Variants in FRMD4B observed in about 807,000 individuals in gnomAD.
The protein encoded by FRMD4B is FERM domain-containing protein 4B.
Under a neutral mutation model 141.5 loss-of-function variants are expected in FRMD4B, and 74 were observed. That is an observed-to-expected ratio of 0.52 (90% confidence interval 0.43 to 0.63). The LOEUF is 0.63. Among genes scored for constraint, FRMD4B ranks in the 30% least tolerant of loss-of-function variants. FRMD4B has a pLI of 0.00. For missense variants in FRMD4B, 1,366 were observed against 1,253.4 expected (o/e 1.09, Z -1.36); for synonymous variants, 506 against 467.9 (o/e 1.08, Z -1.05).
intron 7 of FRMD4B, among the ~76,000 whole-genome samples, chr3:69,247,965 T>C (rs1385961268): frequency 6.7e-6 from 1 of 148,524 alleles, no homozygotes; most frequent in Non-Finnish European, 1.5e-5. Context: ...CTAATTTTTA[T>C]ATTTGTAGTA....
At chr3:69,344,088 A>G (rs1702846493) in intron 1 of FRMD4B, among the ~76,000 whole-genome samples, 1 of 152,224 alleles carries the variant, frequency 6.6e-6, no homozygotes, top group African/African-American at 2.4e-5. Flanking sequence ...TTTGGAATCC[A>G]AGGGCCAGTG....
Position 69,357,131 on chromosome 3 carries a change from A to C in FRMD4B, c.162+28697T>G, listed in dbSNP as rs563666031. Among the ~76,000 whole-genome samples the C allele has an allele frequency of 2.6e-5, 4 of 152,308 alleles. No individual in the cohort carries two copies. In the East Asian group the frequency reaches 7.7e-4, roughly 29 times the overall value. ...AGGTGCAAAGACGGGACAAGGGCAT[A>C]GGTGCCAGGGATTCAGTCGTGAGGA... On this transcript the variant is annotated intron_variant, in intron 1 of 22. Coordinates refer to ENST00000398540, the MANE Select transcript of FRMD4B (RefSeq NM_015123.3).
intron 3 of FRMD4B, among the ~76,000 whole-genome samples, chr3:69,310,907 C>A (rs532841414): frequency 1.9e-4 from 29 of 152,250 alleles, no homozygotes; most frequent in Non-Finnish European, 3.2e-4. Flanking sequence ...CCAACACATC[C>A]ACTCAGTTTC....
intron 1 of FRMD4B, among the ~76,000 whole-genome samples, chr3:69,521,292 T>C (rs1700850032): frequency 6.6e-6 from 1 of 152,184 alleles, no homozygotes. Context: ...CAAAATTAAC[T>C]TCTTGGCAGT....
intron 7 of FRMD4B, among the ~76,000 whole-genome samples, chr3:69,242,342 A>G (rs2093390432): frequency 6.6e-6 from 1 of 152,074 alleles, no homozygotes; most frequent in African/African-American, 2.4e-5. Context: ...TGGAAATGAA[A>G]TTAGATTTTA....
chr3:69,189,729 G>A (rs564709611), intron 18 of FRMD4B, among the ~76,000 whole-genome samples, 167 bp downstream of exon 18: 1 of 152,100 alleles, frequency 6.6e-6, no homozygotes, highest in South Asian at 2.1e-4. Context: ...AACCTGAGTA[G>A]GTGTTAATCA....
chr3:69,470,832 A>G (rs1452342807), intron 1 of FRMD4B, among the ~76,000 whole-genome samples: 1 of 152,206 alleles, frequency 6.6e-6, no homozygotes, highest in Non-Finnish European at 1.5e-5. Context: ...TCATATGATC[A>G]ATTTGCACAA....
intron 3 of FRMD4B, among the ~76,000 whole-genome samples, chr3:69,307,436 G>T (rs988782897): frequency 6.6e-6 from 1 of 152,044 alleles, no homozygotes; most frequent in African/African-American, 2.4e-5. Flanking sequence ...CACCTCCTGG[G>T]TTTAAGTGAT....
At chr3:69,384,023 C>T (rs922109544) in intron 1 of FRMD4B, among the ~76,000 whole-genome samples, 19 of 151,938 alleles carry the variant, frequency 1.3e-4, no homozygotes, top group African/African-American at 4.3e-4. Flanking sequence ...TGGCCTCAAA[C>T]TCCTGGGCTC....
At chr3:69,371,591 C>T (rs1386885906) in intron 1 of FRMD4B, among the ~76,000 whole-genome samples, 2 of 152,156 alleles carry the variant, frequency 1.3e-5, no homozygotes, top group African/African-American at 4.8e-5. Flanking sequence ...GCTATTGCAA[C>T]AAACCAGCTA....
chr3:69,390,427 T>A (rs550812048), upstream of FRMD4B, among the ~76,000 whole-genome samples: 8 of 152,308 alleles, frequency 5.3e-5, no homozygotes, highest in Admixed American at 2.0e-4. Flanking sequence ...CATGTGGCAA[T>A]GTCAGAAGAC....
chr3:69,188,781 A>C (rs1365690456), intron 18 of FRMD4B, among the ~76,000 whole-genome samples: 3 of 151,818 alleles, frequency 2.0e-5, no homozygotes, highest in Non-Finnish European at 4.4e-5. Flanking sequence ...AAAAAAAAAA[A>C]AAACTTGGGG....
chr3:69,220,390 A>T (rs923070541), intron 9 of FRMD4B, among the ~76,000 whole-genome samples: 2 of 152,222 alleles, frequency 1.3e-5, no homozygotes, highest in African/African-American at 4.8e-5. Flanking sequence ...ATGGTACATG[A>T]CTGTACTCAC....
chr3:69,498,287 T>C (rs1706435335), intron 1 of FRMD4B, among the ~76,000 whole-genome samples: 1 of 152,218 alleles, frequency 6.6e-6, no homozygotes, highest in African/African-American at 2.4e-5. Context: ...GGGCGAAGTT[T>C]ACATTGATTG....
rs999973332 is a variant in FRMD4B, at chr3:69,529,534, G to T, written c.-129+12672C>A. On this transcript the variant is annotated intron_variant, in intron 1 of 5. Transcript: ENST00000459638. The stretch of plus-strand genomic sequence containing the variant: ...CCAGAGCTCTTCCTAACCCCACTGT[G>T]CTGCCCACACTGCCCACTCTCTCCT... 9.9e-5 allele frequency among the ~76,000 whole-genome samples: 15 copies of T among 152,162 alleles called. No individual in the cohort carries two copies. In the East Asian group the frequency reaches 1.9e-3, roughly 20 times the overall value.
intron 22 of FRMD4B, among the ~76,000 whole-genome samples, chr3:69,174,606 C>G (rs1381638081): frequency 6.6e-6 from 1 of 152,136 alleles, no homozygotes. Flanking sequence ...CTTCTAATTT[C>G]CTGTATGTTA....
At chr3:69,472,938 CTTT>C (rs71618285) in intron 1 of FRMD4B, among the ~76,000 whole-genome samples, 6 of 108,320 alleles carry the variant, frequency 5.5e-5, no homozygotes, top group Non-Finnish European at 5.3e-5. Context: ...TTTTTTTTTT[CTTT>C]TTTTTTTTTT....
intron 4 of FRMD4B, among the ~76,000 whole-genome samples, chr3:69,301,011 C>G (rs970196233): frequency 6.6e-6 from 1 of 152,166 alleles, no homozygotes; most frequent in African/African-American, 2.4e-5. Flanking sequence ...GCTGGGATTA[C>G]AGGCGTGAGC....
At chr3:69,323,608 G>GTATGTATA (rs1553723965) in intron 1 of FRMD4B, among the ~76,000 whole-genome samples, 11 of 101,672 alleles carry the variant, frequency 1.1e-4, no homozygotes, top group African/African-American at 4.1e-4. Context: ...CTCTCTCTGT[G>GTATGTATA]TATATATATA....
Sources: allele counts gnomAD v4.1 joint callset (sites outside exome capture counted in the v4.1 genomes callset), GRCh38; gene constraint gnomAD v4.1.1; transcripts MANE v1.5; gene names NCBI Gene and HGNC (gene_info 2026-07-23, HGNC 2026-07-21).